The following BTLA variants were observed in gnomAD, a reference collection of about 807,000 sequenced individuals.
BTLA encodes B and T lymphocyte associated, also known as B- and T-lymphocyte attenuator.
Under a neutral mutation model 25.0 loss-of-function variants are expected in BTLA, and 11 were observed. That is an observed-to-expected ratio of 0.44 (90% CI 0.28 to 0.73). The LOEUF is 0.73. Among genes scored for constraint, BTLA ranks in the 30% least tolerant of loss-of-function variants. The pLI is 0.15. For synonymous variants in BTLA, 104 were observed against 119.8 expected, an observed-to-expected ratio of 0.87 and a Z score of 0.86; for missense variants, 282 against 332.8, an observed-to-expected ratio of 0.85 and a Z score of 1.19.
At chr3:112,498,752 C>T (rs1263210896) in intron 1 of BTLA, among the ~76,000 whole-genome samples, 1 of 151,930 alleles carries the variant, frequency 6.6e-6, no homozygotes, top group African/African-American at 2.4e-5. Context: ...TTTTCTCAAT[C>T]GGTATTCTCA....
At chr3:112,467,315 G>A (rs1186651972) in intron 4 of BTLA, among the ~76,000 whole-genome samples, 1 of 152,094 alleles carries the variant, frequency 6.6e-6, no homozygotes, top group African/African-American at 2.4e-5. Flanking sequence ...CTAAGAAAGA[G>A]GTGAATTTGT....
At chr3:112,491,419 T>C (rs1458100774) in intron 1 of BTLA, among the ~76,000 whole-genome samples, 1 of 152,214 alleles carries the variant, frequency 6.6e-6, no homozygotes, top group Non-Finnish European at 1.5e-5. Context: ...CATGTATTGT[T>C]TCATTTGACC....
At chr3:112,466,621 T>A (rs1280018249) in intron 4 of BTLA, among the ~76,000 whole-genome samples, 5 of 152,194 alleles carry the variant, frequency 3.3e-5, no homozygotes, top group Non-Finnish European at 5.9e-5. Context: ...TTATTACTGG[T>A]CACTTTTGAG....
chr3:112,474,520 T>C (rs2107315504), intron 2 of BTLA, among the ~76,000 whole-genome samples: 1 of 151,392 alleles, frequency 6.6e-6, no homozygotes, highest in Admixed American at 6.6e-5. Flanking sequence ...AAAAAAGAAA[T>C]ATTACACAAA....
intron 2 of BTLA, among the ~76,000 whole-genome samples, chr3:112,476,829 T>C (rs1339447351): frequency 6.6e-6 from 1 of 152,168 alleles, no homozygotes; most frequent in African/African-American, 2.4e-5. Context: ...TCTACCTATT[T>C]AGTAGTCATG....
rs2082219571 is a variant in BTLA at position 112,465,364 on chromosome 3, T to C, written c.*744A>G. On this transcript the variant is annotated 3_prime_UTR_variant, in exon 5 of 5. Coordinates refer to ENST00000334529, the MANE Select transcript of BTLA (RefSeq NM_181780.4). The stretch of plus-strand genomic sequence containing the variant: ...ATTAATTCAGCAGCATTATGTCACA[T>C]TCCTATCCATTAGTCTATGTGACCC... The C allele has an allele frequency of 6.5e-6, 1 of 152,672 alleles. No individual in the cohort carries two copies. The highest frequency in any genetic ancestry group is 6.5e-5 in the Admixed American group (1 of 15,284). 9.5% of individuals were successfully genotyped at this position (152,672 alleles called of 1,614,324 possible). A position where few individuals can be genotyped will look rare whatever the true frequency, so the allele number is the denominator to read the frequency against.
At chr3:112,471,527 T>C (rs1464036073) in intron 2 of BTLA, among the ~76,000 whole-genome samples, 172 bp from the exon 3 acceptor site, 1 of 152,220 alleles carries the variant, frequency 6.6e-6, no homozygotes, top group Non-Finnish European at 1.5e-5. Context: ...CCTCTTGCTT[T>C]CTTGCTGAGC....
intron 4 of BTLA, among the ~76,000 whole-genome samples, chr3:112,468,025 C>T (rs1369149510): frequency 2.0e-5 from 3 of 152,152 alleles, no homozygotes; most frequent in East Asian, 1.9e-4. Flanking sequence ...TGTGGCACCC[C>T]GTCAAAGTGG....
chr3:112,477,011 A>T (rs2082292244), intron 2 of BTLA, among the ~76,000 whole-genome samples: 1 of 152,206 alleles, frequency 6.6e-6, no homozygotes, highest in Admixed American at 6.5e-5. Flanking sequence ...ATACATTAGT[A>T]CTTCATTCCT....
At chr3:112,494,287 G>A (rs2082396905) in intron 1 of BTLA, among the ~76,000 whole-genome samples, 1 of 152,146 alleles carries the variant, frequency 6.6e-6, no homozygotes, top group Non-Finnish European at 1.5e-5. Flanking sequence ...GGAGAATTAG[G>A]AATGCTTTTA....
chr3:112,464,297 T>G lies in BTLA; in HGVS notation c.*1811A>C. 1 of 394,098 alleles carries G rather than the reference T, an allele frequency of 2.5e-6. No individual in the cohort carries two copies. The highest frequency in any genetic ancestry group is 3.6e-5 in the East Asian group (1 of 27,802). 24.4% of individuals were successfully genotyped at this position (394,098 alleles called of 1,614,324 possible). On this transcript the variant is annotated 3_prime_UTR_variant, in exon 5 of 5. Transcript: ENST00000334529. ...GGATATTTTAAATAAGACAGAAATA[T>G]TTTGCTTTTAAGTTTGAGAGAATCA...
At chr3:112,498,729 A>G (rs929109532) in intron 1 of BTLA, among the ~76,000 whole-genome samples, 2 of 152,110 alleles carry the variant, frequency 1.3e-5, no homozygotes, top group Non-Finnish European at 2.9e-5. Flanking sequence ...TTCTGCTCCT[A>G]TATTTTGTAG....
rs2082227360 is a variant in BTLA, at chr3:112,466,376, G to C, written c.602C>G (p.Ala201Gly). Residue 201 changes from alanine (A) to glycine (G), a missense_variant, in exon 5 of 5, where the codon GCT (alanine) becomes GGT (glycine). Ala to Gly is a moderately conservative substitution (Grantham distance 60). Coordinates refer to ENST00000334529, the MANE Select transcript of BTLA (RefSeq NM_181780.4). ...TAGREINLVD[A>G]HLKSEQTEAS... ...TTCTGTTTGCTCACTCTTAAGGTGAGCATCAACCTACAATAGAAAAAAAGA... is the reference window on the plus strand; with the variant it reads ...TTCTGTTTGCTCACTCTTAAGGTGACCATCAACCTACAATAGAAAAAAAGA... The C allele has an allele frequency of 2.5e-6, 4 of 1,591,388 alleles. No individual in the cohort carries two copies. The South Asian group carries it at 3.4e-5, about 14-fold the overall frequency.
intron 1 of BTLA, among the ~76,000 whole-genome samples, chr3:112,489,420 C>T (rs1158192031): frequency 6.6e-6 from 1 of 151,968 alleles, no homozygotes; most frequent in African/African-American, 2.4e-5. Context: ...TTTTTAAATA[C>T]CATATGTTTT....
At chr3:112,485,234 G>A (rs145574469) in intron 1 of BTLA, among the ~76,000 whole-genome samples, 3,425 of 151,880 alleles carry the variant, frequency 0.023, 92 homozygotes, top group African/African-American at 0.067. Flanking sequence ...TAGTAGGGAC[G>A]GGGTTTCGCC....
chr3:112,476,472 G>T (rs1470277870), intron 2 of BTLA, among the ~76,000 whole-genome samples: 1 of 152,212 alleles, frequency 6.6e-6, no homozygotes, highest in Non-Finnish European at 1.5e-5. Context: ...TAAAATGTAT[G>T]CATTCAAGTG....
In BTLA at chr3:112,485,509, C is replaced by T. The variant is rs569682224; in HGVS notation, c.89-5740G>A. On this transcript the variant is annotated intron_variant, in intron 1 of 4. Coordinates refer to ENST00000334529, the MANE Select transcript of BTLA (RefSeq NM_181780.4). ...ATTTCCCGAAGAGGAATAACTATCACAGTTGCTTTTGGCTGTTACTCAACT... is the reference window on the plus strand; with the variant it reads ...ATTTCCCGAAGAGGAATAACTATCATAGTTGCTTTTGGCTGTTACTCAACT... 3.9e-5 allele frequency among the ~76,000 whole-genome samples: 6 copies of T among 152,328 alleles called. No individual in the cohort carries two copies. In the East Asian group the frequency reaches 1.2e-3, roughly 29 times the overall value.
intron 1 of BTLA, among the ~76,000 whole-genome samples, chr3:112,496,012 T>A (rs552781525): frequency 1.5e-4 from 23 of 152,346 alleles, no homozygotes; most frequent in African/African-American, 4.8e-4. Flanking sequence ...TTGCTTTTTT[T>A]AAAAATCACA....
Position 112,490,058 on chromosome 3 carries a change from C to T in BTLA, c.88+9213G>A, listed in dbSNP as rs113227960. Among the ~76,000 whole-genome samples, 208 of 152,230 alleles carry T rather than the reference C, an allele frequency of 1.4e-3. 1 individual carries two copies. Among genetic ancestry groups the T allele is most frequent in the African/African-American group, 4.7e-3 (197 of 41,542 alleles). On this transcript the variant is annotated intron_variant, in intron 1 of 4. Transcript: ENST00000334529. ...TGCATACCTTGGGAAATCACACGGA[C>T]GACATCAGAAAACCCAGGTAGCATA...
Sources: gnomAD v4.1 joint callset for allele counts (sites outside exome capture counted in the v4.1 genomes callset) on GRCh38, gnomAD v4.1.1 for gene constraint, MANE v1.5 for transcripts, NCBI Gene and HGNC (gene_info 2026-07-23, HGNC 2026-07-21) for gene names.